The following EIPR1 variants were observed in gnomAD, a reference collection of about 807,000 sequenced individuals.
The protein encoded by EIPR1 is EARP and GARP complex-interacting protein 1.
A neutral mutation model predicts 48.1 loss-of-function variants in EIPR1; 25 were observed. That is an observed-to-expected ratio of 0.52 (90% CI 0.38 to 0.73). The LOEUF is 0.73. EIPR1 is among the 30% of genes least tolerant of loss of function. EIPR1 has a pLI of 0.00. For synonymous variants in EIPR1, 204 were observed against 201.9 expected, an observed-to-expected ratio of 1.01 and a Z score of -0.09; for missense variants, 415 against 506.2, an observed-to-expected ratio of 0.82 and a Z score of 1.73.
intron 4 of EIPR1, among the ~76,000 whole-genome samples, chr2:3,224,415 A>G (rs2103154177): frequency 6.6e-6 from 1 of 152,256 alleles, no homozygotes; most frequent in East Asian, 1.9e-4. Context: ...GCTCAACTAG[A>G]AAGATTCAGA....
intron 4 of EIPR1, among the ~76,000 whole-genome samples, chr2:3,221,813 A>G (rs946952206): frequency 2.8e-5 from 4 of 145,054 alleles, no homozygotes; most frequent in African/African-American, 1.1e-4. Context: ...CAGTCAGTTG[A>G]GGACACAAGC....
chr2:3,197,119 G>T, intron 5 of EIPR1, 102 bp from the exon 6 acceptor site: 10 of 1,268,012 alleles, frequency 7.9e-6, no homozygotes, highest in Non-Finnish European at 9.7e-6. Flanking sequence ...GGATATTATT[G>T]AAAATAATTA....
At chr2:3,356,155 G>A (rs1206544850) in intron 1 of EIPR1, among the ~76,000 whole-genome samples, 4 of 152,232 alleles carry the variant, frequency 2.6e-5, no homozygotes, top group Admixed American at 2.6e-4. Flanking sequence ...AGGCCAGATG[G>A]CCGGGGTTTT....
chr2:3,204,621 G>A (rs1282717561), intron 5 of EIPR1, among the ~76,000 whole-genome samples: 1 of 152,240 alleles, frequency 6.6e-6, no homozygotes, highest in African/African-American at 2.4e-5. Flanking sequence ...ACTAATGCCA[G>A]AATGTGAACA....
At chr2:3,343,422 A>G (rs1406444380) in intron 2 of EIPR1, among the ~76,000 whole-genome samples, 1 of 152,250 alleles carries the variant, frequency 6.6e-6, no homozygotes, top group Non-Finnish European at 1.5e-5. Flanking sequence ...AGGGCCCAAA[A>G]GAAAGACCCA....
intron 4 of EIPR1, among the ~76,000 whole-genome samples, chr2:3,234,729 G>A (rs899211741): frequency 2.6e-5 from 4 of 152,250 alleles, no homozygotes; most frequent in Non-Finnish European, 5.9e-5. Context: ...GCCCCACTCC[G>A]CGGAAGCCTC....
At chr2:3,324,245 C>T (rs1193448793) in intron 3 of EIPR1, among the ~76,000 whole-genome samples, 1 of 152,136 alleles carries the variant, frequency 6.6e-6, no homozygotes, top group Non-Finnish European at 1.5e-5. Flanking sequence ...GCCCCTGGAG[C>T]GCAGGACCCA....
intron 3 of EIPR1, among the ~76,000 whole-genome samples, chr2:3,333,443 A>C (rs1244697844): frequency 6.6e-6 from 1 of 152,120 alleles, no homozygotes; most frequent in African/African-American, 2.4e-5. Context: ...CCCATAAGAT[A>C]AGATCCATGG....
At chr2:3,295,655 C>T (rs1190858700) in intron 3 of EIPR1, among the ~76,000 whole-genome samples, 1 of 136,134 alleles carries the variant, frequency 7.3e-6, no homozygotes, top group South Asian at 2.6e-4. Context: ...CCATCCAGCC[C>T]GTCCTCTCTA....
chr2:3,189,313 T>C lies in EIPR1; in HGVS notation c.*21A>G. 1.9e-6 allele frequency: 3 copies of C among 1,550,602 alleles called. No individual in the cohort carries two copies. Among genetic ancestry groups the C allele is most frequent in the Admixed American group, 1.8e-5 (1 of 55,488 alleles). ...AAGAGGAAAACCACTCAATGGGACC[T>C]GGATAACCCAGGCCCGGGAGTCATA... On this transcript the variant is annotated 3_prime_UTR_variant, in exon 9 of 9. Coordinates refer to ENST00000382125, the MANE Select transcript of EIPR1 (RefSeq NM_003310.5). The surrounding 1 kb of genome is among the most constrained non-coding windows in gnomAD (Gnocchi z 4.6).
intron 5 of EIPR1, among the ~76,000 whole-genome samples, chr2:3,211,848 G>C (rs896846886): frequency 3.3e-5 from 5 of 152,252 alleles, no homozygotes; most frequent in African/African-American, 1.2e-4. Context: ...TGGGAAAGGC[G>C]AAGATGAATG....
intron 4 of EIPR1, among the ~76,000 whole-genome samples, chr2:3,219,992 T>C (rs1427341100): frequency 6.6e-6 from 1 of 152,164 alleles, no homozygotes; most frequent in Non-Finnish European, 1.5e-5. Flanking sequence ...TCCTGTCAAA[T>C]CAGGAGGCAT....
intron 4 of EIPR1, among the ~76,000 whole-genome samples, chr2:3,233,641 C>T (rs146823858): frequency 0.017 from 2,633 of 152,170 alleles, 40 homozygotes; most frequent in Non-Finnish European, 0.026. Flanking sequence ...AGTTTGTCCA[C>T]CCGTCAAGTG....
chr2:3,316,371 C>CA (rs1192163045), intron 3 of EIPR1, among the ~76,000 whole-genome samples: 1 of 152,208 alleles, frequency 6.6e-6, no homozygotes, highest in East Asian at 1.9e-4. Context: ...CATGTTTTTG[C>CA]AAAGCCACTG....
At chr2:3,198,345 A>T (rs143500242) in intron 5 of EIPR1, among the ~76,000 whole-genome samples, 21 of 152,214 alleles carry the variant, frequency 1.4e-4, no homozygotes, top group African/African-American at 4.8e-4. Flanking sequence ...TGAGAACTCA[A>T]AACAGTCCTG....
chr2:3,322,449 C>T (rs977058435), intron 3 of EIPR1, among the ~76,000 whole-genome samples: 1 of 152,190 alleles, frequency 6.6e-6, no homozygotes, highest in Non-Finnish European at 1.5e-5. Context: ...GGGTCTTAGC[C>T]GTAACCACGG....
chr2:3,300,321 A>T (rs1467072363), intron 3 of EIPR1, among the ~76,000 whole-genome samples: 1 of 152,238 alleles, frequency 6.6e-6, no homozygotes, highest in African/African-American at 2.4e-5. Flanking sequence ...GACAGTGATT[A>T]CATATGAATG....
intron 3 of EIPR1, among the ~76,000 whole-genome samples, chr2:3,316,584 T>G (rs775991341): frequency 7.9e-5 from 12 of 152,208 alleles, no homozygotes; most frequent in Non-Finnish European, 1.3e-4. Context: ...CAGGCCACAC[T>G]CACACGTTCT....
chr2:3,230,676 T>C lies in EIPR1; in HGVS notation c.417-16428A>G, dbSNP rs1413832162. Among the ~76,000 whole-genome samples, 24 of 152,256 alleles carry C rather than the reference T, an allele frequency of 1.6e-4. 1 individual carries two copies. The highest frequency in any genetic ancestry group is 5.9e-5 in the Non-Finnish European group (4 of 68,040). ...TTAGTTGACCATATACGTGTGAGTT[T>C]ATTTATGAGCTTTCTATTCTGTTCC... On this transcript the variant is annotated intron_variant, in intron 4 of 8. Transcript: ENST00000382125.
Sources: allele counts gnomAD v4.1 joint callset (sites outside exome capture counted in the v4.1 genomes callset), GRCh38; gene constraint gnomAD v4.1.1; non-coding constraint Gnocchi (gnomAD v3.1); transcripts MANE v1.5; gene names NCBI Gene and HGNC (gene_info 2026-07-23, HGNC 2026-07-21).